PCDH15: variants seen among roughly 807,000 people sequenced by gnomAD.
The protein encoded by PCDH15 is protocadherin related 15.
Under a neutral mutation model 178.5 loss-of-function variants are expected in PCDH15, and 129 were observed. The ratio of observed to expected loss-of-function variants is 0.72; its 90% CI spans 0.63 to 0.84. PCDH15 has a LOEUF of 0.84. PCDH15 is among the 40% of genes least tolerant of loss of function. The probability of loss-of-function intolerance (pLI) is 0.00; values close to 1 mark genes in which losing one functional copy is unlikely to be tolerated. For missense variants in PCDH15, 2,230 were observed against 2,099.9 expected (o/e 1.06, Z -1.21); for synonymous variants, 800 against 732.0 (o/e 1.09, Z -1.50).
intron 8 of PCDH15, among the ~76,000 whole-genome samples, chr10:54,274,209 T>C (rs1346038937): frequency 6.6e-6 from 1 of 151,852 alleles, no homozygotes; most frequent in Non-Finnish European, 1.5e-5. Context: ...ACCGGGGTGA[T>C]GAAATAATCT....
intron 1 of PCDH15, among the ~76,000 whole-genome samples, chr10:55,241,720 G>A (rs1205710315): frequency 6.6e-6 from 1 of 152,144 alleles, no homozygotes; most frequent in East Asian, 1.9e-4. Flanking sequence ...ACCACGCCCA[G>A]CCACTTTGTT....
At chr10:54,418,738 G>A (rs1443633579) in intron 3 of PCDH15, among the ~76,000 whole-genome samples, 1 of 151,600 alleles carries the variant, frequency 6.6e-6, no homozygotes, top group East Asian at 1.9e-4. Context: ...GGGGTGAGAA[G>A]GCCTATTGAA....
chr10:53,880,727 G>A (rs1284156422), intron 26 of PCDH15, among the ~76,000 whole-genome samples: 1 of 152,024 alleles, frequency 6.6e-6, no homozygotes, highest in Admixed American at 6.5e-5. Context: ...GATATATAGG[G>A]CTATGATGAA....
At chr10:55,338,469 C>T (rs193197446) in intron 2 of PCDH15, among the ~76,000 whole-genome samples, 2 of 152,178 alleles carry the variant, frequency 1.3e-5, no homozygotes, top group East Asian at 3.9e-4. Context: ...TTCTTAAAAT[C>T]CTTATTATTA....
At chr10:55,177,528 G>T (rs1357387449) in intron 1 of PCDH15, among the ~76,000 whole-genome samples, 1 of 152,186 alleles carries the variant, frequency 6.6e-6, no homozygotes, top group East Asian at 1.9e-4. Context: ...CTGCCTCTGG[G>T]CAGTTGCAGT....
At chr10:53,903,125 T>C in intron 26 of PCDH15, 118 bp downstream of exon 26, 2 of 1,170,710 alleles carry the variant, frequency 1.7e-6, no homozygotes, top group Non-Finnish European at 2.4e-6. Flanking sequence ...TAGCTCCAAG[T>C]TTCAGGCTTT....
At chr10:55,195,796 T>C (rs1840080099) in intron 1 of PCDH15, among the ~76,000 whole-genome samples, 1 of 152,076 alleles carries the variant, frequency 6.6e-6, no homozygotes, top group African/African-American at 2.4e-5. Context: ...TAGATGAGAT[T>C]TGCTTTTTCA....
intron 2 of PCDH15, among the ~76,000 whole-genome samples, chr10:55,432,507 T>C (rs1838907756): frequency 1.3e-5 from 2 of 152,154 alleles, no homozygotes; most frequent in Admixed American, 6.6e-5. Flanking sequence ...GTTTGGAGAC[T>C]ATTACAAATA....
At position 54,053,193 on chromosome 10, in the gene PCDH15, A is replaced by G. The variant is rs111363295; in HGVS notation, c.2220+13564T>C. Among the ~76,000 whole-genome samples, 1,422 of 152,322 alleles carry G rather than the reference A, an allele frequency of 9.3e-3. 25 individuals are homozygous for G. Among genetic ancestry groups the G allele is most frequent in the African/African-American group, 0.03 (1,228 of 41,556 alleles). On this transcript the variant is annotated intron_variant, in intron 18 of 37. Transcript: ENST00000644397. ...TATCAAAGCTTTTTATTTATTTGTC[A>G]AGAGAACTTATTTATGTGTTTGTAT...
intron 3 of PCDH15, among the ~76,000 whole-genome samples, chr10:54,408,649 A>G (rs1033783187): frequency 1.3e-5 from 2 of 152,198 alleles, no homozygotes; most frequent in African/African-American, 4.8e-5. Flanking sequence ...ATAACTGAGA[A>G]GCTAAAATTA....
chr10:55,066,890 CA>C (rs1430038363), intron 2 of PCDH15, among the ~76,000 whole-genome samples: 1 of 151,402 alleles, frequency 6.6e-6, no homozygotes, highest in African/African-American at 2.4e-5. Context: ...TTTTATACTA[CA>C]AAATAACTAA....
intron 1 of PCDH15, among the ~76,000 whole-genome samples, chr10:55,248,049 T>C (rs1430420743): frequency 6.6e-6 from 1 of 151,090 alleles, no homozygotes. Flanking sequence ...TATACATATA[T>C]TTATATGTAC....
At chr10:53,994,541 C>T (rs570279186) in intron 21 of PCDH15, 1 of 152,218 alleles carries the variant, frequency 6.6e-6, no homozygotes, top group African/African-American at 2.4e-5. Flanking sequence ...AGTAATTGTA[C>T]ATGTTACAAT....
rs1355358788 is a variant in PCDH15, at chr10:53,804,625, A to G, written c.*1954T>C. On this transcript the variant is annotated 3_prime_UTR_variant, in exon 38 of 38. Coordinates refer to ENST00000644397, the MANE Select transcript of PCDH15 (RefSeq NM_001384140.1). ...CCATGAAGCTGTATATAGAGAGAAT[A>G]TCAAGGGATGCTGACTGAGATGATC... The G allele has an allele frequency of 1.3e-5, 2 of 152,064 alleles. No individual in the cohort carries two copies. Among genetic ancestry groups the G allele is most frequent in the East Asian group, 1.9e-4 (1 of 5,192 alleles). The allele number at this position is 152,064 out of a possible 1,614,324, so 9.4% of individuals were successfully genotyped here.
intron 1 of PCDH15, among the ~76,000 whole-genome samples, chr10:55,274,707 C>T (rs1217139752): frequency 6.6e-6 from 1 of 152,068 alleles, no homozygotes; most frequent in African/African-American, 2.4e-5. Flanking sequence ...TCATGGAAGA[C>T]AAATTTTCCA....
At chr10:54,601,402 C>CA (rs202165269) in intron 2 of PCDH15, among the ~76,000 whole-genome samples, 1,940 of 151,626 alleles carry the variant, frequency 0.013, 44 homozygotes, top group African/African-American at 0.044. Flanking sequence ...AACACAAAAA[C>CA]AAAAAAATAC....
Position 53,827,459 on chromosome 10 carries a change from G to A in PCDH15, c.4301C>T (p.Ala1434Val), listed in dbSNP as rs572629527. The change falls in exon 32 of 38, where the codon GCG becomes GTG. Residue 1434 changes from alanine (A) to valine (V), a missense_variant. Coordinates refer to ENST00000644397, the MANE Select transcript of PCDH15 (RefSeq NM_001384140.1). ...PAVPAPAPVA[A>V]PPPPPPPPPG... ...CGGAGGCGGCGGCGGCGGCGGGGGC[G>A]CTGCCACTGGTGCAGGAGCCGGCAC... The A allele has an allele frequency of 7.4e-6, 12 of 1,613,634 alleles. No homozygotes were observed. The highest frequency in any genetic ancestry group is 6.7e-5 in the Admixed American group (4 of 60,010).
intron 2 of PCDH15, among the ~76,000 whole-genome samples, chr10:54,944,722 G>A (rs1243882564): frequency 1.3e-5 from 2 of 151,870 alleles, no homozygotes; most frequent in Non-Finnish European, 2.9e-5. Context: ...CATCAGGTAA[G>A]TATGAAATTT....
chr10:55,563,351 G>T (rs1417383147), intron 2 of PCDH15, among the ~76,000 whole-genome samples: 1 of 151,758 alleles, frequency 6.6e-6, no homozygotes, highest in Non-Finnish European at 1.5e-5. Flanking sequence ...CTGCATACAT[G>T]AGGGAAATTA....
Sources: allele counts gnomAD v4.1 joint callset (sites outside exome capture counted in the v4.1 genomes callset), GRCh38; gene constraint gnomAD v4.1.1; transcripts MANE v1.5; gene names NCBI Gene and HGNC (gene_info 2026-07-23, HGNC 2026-07-21).